The following CADM2 variants were observed in gnomAD, a reference collection of about 807,000 sequenced individuals.
The protein encoded by CADM2 is immunoglobulin superfamily member 4D.
Under a neutral mutation model 49.8 loss-of-function variants are expected in CADM2, and 12 were observed. The ratio of observed to expected loss-of-function variants is 0.24; its 90% confidence interval spans 0.15 to 0.39. The LOEUF is 0.39. Among genes scored for constraint, CADM2 ranks in the 10% least tolerant of loss-of-function variants. The pLI is 1.00. For missense variants in CADM2, 378 were observed against 492.3 expected (o/e 0.77, Z 2.20); for synonymous variants, 214 against 175.4 (o/e 1.22, Z -1.74).
chr3:86,072,611 G>A lies in CADM2; in HGVS notation c.*5828G>A, dbSNP rs1038483470. On this transcript the variant is annotated 3_prime_UTR_variant, in exon 10 of 10. Transcript: ENST00000383699. ...AGTGCGGTATGAAATGCAACATTAC[G>A]CTTACAAACAGTACTGTCAAACCTC... is the stretch of plus-strand genomic sequence containing the variant. 1.3e-5 allele frequency: 2 copies of A among 151,924 alleles called. No individual in the cohort carries two copies. Among genetic ancestry groups the A allele is most frequent in the South Asian group, 2.1e-4 (1 of 4,820 alleles). The allele number at this position is 151,924 out of a possible 1,614,324, so 9.4% of individuals were successfully genotyped here. A position where few individuals can be genotyped will look rare whatever the true frequency, so the allele number is the denominator to read the frequency against.
At chr3:85,202,079 A>G (rs1013747808) in intron 1 of CADM2, among the ~76,000 whole-genome samples, 5 of 17,252 alleles carry the variant, frequency 2.9e-4, no homozygotes, top group African/African-American at 1.1e-3. Context: ...ACTCTGTCTG[A>G]AAAAAAAAAA....
In CADM2 at chr3:86,013,135, G is replaced by C. The variant is rs758818783; in HGVS notation, c.970+51488G>C. 125 of 1,338,636 alleles carry C rather than the reference G, an allele frequency of 9.3e-5. 1 individual carries two copies. The highest frequency in any genetic ancestry group is 1.3e-4 in the Non-Finnish European group (119 of 934,136). The allele number at this position is 1,338,636 out of a possible 1,614,324, so 82.9% of individuals were successfully genotyped here. ...ACAGTCATTTGAACAAACCACGTAA[G>C]TAGACACAGAAAACGAATAAAAGAA... On this transcript the variant is annotated intron_variant, in intron 8 of 9. Transcript: ENST00000383699.
At chr3:85,516,963 G>GT (rs143980635) in intron 1 of CADM2, among the ~76,000 whole-genome samples, 5,073 of 151,712 alleles carry the variant, frequency 0.033, 285 homozygotes, top group African/African-American at 0.12. Context: ...CAGAATACCT[G>GT]TTTTCTATTG....
At chr3:85,381,908 A>G (rs1200731353) in intron 1 of CADM2, among the ~76,000 whole-genome samples, 2 of 152,072 alleles carry the variant, frequency 1.3e-5, no homozygotes, top group African/African-American at 4.8e-5. Context: ...AGAAAGGCTC[A>G]GAAAAACCAT....
chr3:84,976,427 A>G (rs1490492002), intron 1 of CADM2, among the ~76,000 whole-genome samples: 1 of 151,840 alleles, frequency 6.6e-6, no homozygotes, highest in Admixed American at 6.6e-5. Context: ...AAAGCATAGT[A>G]TTTAGTGAAA....
At chr3:85,506,687 A>G (rs2040368502) in intron 1 of CADM2, among the ~76,000 whole-genome samples, 2 of 152,020 alleles carry the variant, frequency 1.3e-5, no homozygotes, top group South Asian at 4.1e-4. Context: ...GGCACACACC[A>G]TACCCCATGG....
intron 8 of CADM2, among the ~76,000 whole-genome samples, chr3:85,999,124 G>T (rs1729802365): frequency 6.6e-6 from 1 of 152,130 alleles, no homozygotes; most frequent in Non-Finnish European, 1.5e-5. Flanking sequence ...TTGAGTCTAG[G>T]GAGGGAAATT....
intron 1 of CADM2, among the ~76,000 whole-genome samples, chr3:85,216,696 TG>T (rs1283777847): frequency 6.6e-6 from 1 of 152,072 alleles, no homozygotes; most frequent in African/African-American, 2.4e-5. Context: ...AAATTTTACA[TG>T]TGTACTCTTC....
At chr3:85,962,246 G>A (rs1724931034) in intron 8 of CADM2, among the ~76,000 whole-genome samples, 1 of 151,872 alleles carries the variant, frequency 6.6e-6, no homozygotes, top group South Asian at 2.1e-4. Context: ...ATAAATAAAT[G>A]TGTTCACTTA....
chr3:85,845,283 G>A (rs570735207), intron 3 of CADM2, among the ~76,000 whole-genome samples: 88 of 152,114 alleles, frequency 5.8e-4, no homozygotes, highest in African/African-American at 2.0e-3. Context: ...TGGTAGCCCG[G>A]GCCAGTCACA....
intron 1 of CADM2, among the ~76,000 whole-genome samples, chr3:85,622,296 A>C (rs1363277887): frequency 6.6e-6 from 1 of 152,176 alleles, no homozygotes; most frequent in Non-Finnish European, 1.5e-5. Flanking sequence ...GTGTTTCCTC[A>C]TGAAATATAA....
At chr3:85,333,058 G>A (rs818226) in intron 1 of CADM2, among the ~76,000 whole-genome samples, 34,477 of 151,490 alleles carry the variant, frequency 0.23, 6,308 homozygotes, top group African/African-American at 0.51. Context: ...ACTTTTCATT[G>A]TCTCGTTAGA....
chr3:85,749,907 G>A (rs1023355204), intron 2 of CADM2, among the ~76,000 whole-genome samples: 1 of 151,658 alleles, frequency 6.6e-6, no homozygotes, highest in South Asian at 2.1e-4. Flanking sequence ...TTGCTATTTG[G>A]GTGCTTTGTG....
At chr3:85,505,272 T>C (rs1458500291) in intron 1 of CADM2, among the ~76,000 whole-genome samples, 1 of 152,266 alleles carries the variant, frequency 6.6e-6, no homozygotes, top group Non-Finnish European at 1.5e-5. Flanking sequence ...TATTGTTTTA[T>C]GTAACTTGTG....
rs939536580 is a variant in CADM2 at position 85,881,468 on chromosome 3, A to T, written c.239-1823A>T. On this transcript the variant is annotated intron_variant, in intron 3 of 9. Transcript: ENST00000383699. ...GTAAGTTTTTTTTATTATACGCTGA[A>T]CATTTTGATTATGTTAAGAGACTCT... Among the ~76,000 whole-genome samples, 5 of 152,226 alleles carry T rather than the reference A, an allele frequency of 3.3e-5. No homozygotes were observed. The South Asian group carries it at 6.2e-4, about 19-fold the overall frequency.
At chr3:86,041,150 A>G (rs531081161) in intron 8 of CADM2, among the ~76,000 whole-genome samples, 23 of 152,240 alleles carry the variant, frequency 1.5e-4, no homozygotes, top group Non-Finnish European at 2.6e-4. Flanking sequence ...AAGACCGTCG[A>G]GGCTAAGAAG....
intron 8 of CADM2, among the ~76,000 whole-genome samples, chr3:85,988,434 C>T (rs896511277): frequency 6.6e-6 from 1 of 152,074 alleles, no homozygotes; most frequent in African/African-American, 2.4e-5. Flanking sequence ...ATCAGAACTG[C>T]TTTTAGCGAA....
At position 85,769,481 on chromosome 3, in the gene CADM2, GTATATACATATATACATATATGTATA is replaced by G. The variant is rs1559644378; in HGVS notation, c.89-32561_89-32536del. On this transcript the variant is annotated intron_variant, in intron 2 of 9. Coordinates refer to ENST00000383699, the MANE Select transcript of CADM2 (RefSeq NM_001167675.2). ...ATATACATATATAGTATATATACAC[GTATATACATATATACATATATGTATA>G]TATACACGTATATACATATATGTAT... Among the ~76,000 whole-genome samples the G allele has an allele frequency of 2.6e-4, 14 of 53,326 alleles. 2 individuals carry two copies. The highest frequency in any genetic ancestry group is 3.3e-4 in the African/African-American group (3 of 8,984). 35.0% of individuals were successfully genotyped at this position (53,326 alleles called of 152,430 possible).
intron 1 of CADM2, among the ~76,000 whole-genome samples, chr3:85,553,307 CT>C (rs5850693): frequency 1.3e-5 from 2 of 151,238 alleles, no homozygotes; most frequent in African/African-American, 4.9e-5. Context: ...TGTTTTATTT[CT>C]TTTTTTTAAA....
Sources: gnomAD v4.1 joint callset for allele counts (sites outside exome capture counted in the v4.1 genomes callset) on GRCh38, gnomAD v4.1.1 for gene constraint, MANE v1.5 for transcripts, NCBI Gene and HGNC (gene_info 2026-07-23, HGNC 2026-07-21) for gene names.